Variants in RARB observed in about 807,000 individuals in gnomAD.
The protein encoded by RARB is HBV-activated protein.
Under a neutral mutation model 51.9 loss-of-function variants are expected in RARB, and 17 were observed. The ratio of observed to expected loss-of-function variants is 0.33; its 90% CI spans 0.22 to 0.49. The LOEUF is 0.49. Ranked by LOEUF, RARB falls within the 20% of genes least tolerant of loss-of-function variation. RARB has a pLI of 0.99. For synonymous variants in RARB, 215 were observed against 195.4 expected (o/e 1.10, Z -0.84); for missense variants, 369 against 550.8 (o/e 0.67, Z 3.30).
chr3:25,081,193 G>T (rs999850045), intron 3 of RARB, among the ~76,000 whole-genome samples: 2 of 152,016 alleles, frequency 1.3e-5, no homozygotes, highest in Admixed American at 6.5e-5. Flanking sequence ...ATCCTTCTGT[G>T]AGTTATTTAG....
At chr3:25,062,878 G>A (rs1457906868) in intron 3 of RARB, among the ~76,000 whole-genome samples, 2 of 151,884 alleles carry the variant, frequency 1.3e-5, no homozygotes, top group African/African-American at 2.4e-5. Flanking sequence ...AAATACATGG[G>A]AAAATTCAAT....
At chr3:24,993,848 A>G (rs1288179540) in intron 2 of RARB, among the ~76,000 whole-genome samples, 2 of 152,104 alleles carry the variant, frequency 1.3e-5, no homozygotes, top group African/African-American at 2.4e-5. Flanking sequence ...CATTCTCTTT[A>G]TGGCTGAATA....
At chr3:25,413,339 A>G (rs1707616985) in intron 5 of RARB, among the ~76,000 whole-genome samples, 1 of 152,150 alleles carries the variant, frequency 6.6e-6, no homozygotes, top group South Asian at 2.1e-4. Context: ...AGAGTCTTCT[A>G]TTGTGTGAAT....
chr3:25,494,257 A>G (rs948923076), intron 2 of RARB, among the ~76,000 whole-genome samples: 1 of 151,432 alleles, frequency 6.6e-6, no homozygotes, highest in Admixed American at 6.6e-5. Flanking sequence ...TCTTACGCAC[A>G]CACACACACA....
At chr3:25,298,767 G>A (rs1334187191) in intron 5 of RARB, among the ~76,000 whole-genome samples, 1 of 152,114 alleles carries the variant, frequency 6.6e-6, no homozygotes, top group Non-Finnish European at 1.5e-5. Flanking sequence ...CATTCTAAAG[G>A]GATTTCTAAT....
In RARB at chr3:25,330,686, G is replaced by A. The variant is rs1374713798; in HGVS notation, c.179-130507G>A. Among the ~76,000 whole-genome samples the A allele has an allele frequency of 5.3e-5, 8 of 152,176 alleles. No homozygotes were observed. In the East Asian group the frequency reaches 9.6e-4, roughly 18 times the overall value. ...CAATACTAACCTTAAATGTAAATGG[G>A]TTAAATGCTCCAATTAAAAGACACA... is the stretch of plus-strand genomic sequence containing the variant. On this transcript the variant is annotated intron_variant, in intron 5 of 11. Transcript: ENST00000383772.
intron 2 of RARB, among the ~76,000 whole-genome samples, chr3:25,462,134 C>G (rs1462520507): frequency 1.3e-5 from 2 of 152,152 alleles, no homozygotes; most frequent in Non-Finnish European, 2.9e-5. Context: ...TAGGGACTTG[C>G]TACTGTATGT....
intron 5 of RARB, among the ~76,000 whole-genome samples, chr3:25,356,699 G>A (rs1459600899): frequency 2.6e-5 from 4 of 151,982 alleles, no homozygotes; most frequent in African/African-American, 7.2e-5. Flanking sequence ...GAAGTATGAT[G>A]TTTCCCTCCC....
chr3:24,938,861 T>C (rs115954774), intron 2 of RARB, among the ~76,000 whole-genome samples: 6,201 of 152,326 alleles, frequency 0.041, 249 homozygotes, highest in East Asian at 0.18. Flanking sequence ...GCATAATGTT[T>C]TCAAGGCTCA....
intron 5 of RARB, among the ~76,000 whole-genome samples, chr3:25,419,363 A>G (rs1182036389): frequency 1.3e-5 from 2 of 152,128 alleles, no homozygotes; most frequent in African/African-American, 2.4e-5. Flanking sequence ...TCCTATCACT[A>G]CCAAGAGTGA....
intron 2 of RARB, among the ~76,000 whole-genome samples, chr3:24,928,546 CTTAA>C (rs1457164099): frequency 6.6e-6 from 1 of 151,906 alleles, no homozygotes; most frequent in Non-Finnish European, 1.5e-5. Context: ...GTTCTGTAAT[CTTAA>C]TTATTTTTAA....
At chr3:24,986,166 A>G (rs1237899454) in intron 2 of RARB, among the ~76,000 whole-genome samples, 4 of 152,228 alleles carry the variant, frequency 2.6e-5, no homozygotes, top group Admixed American at 6.5e-5. Flanking sequence ...GGAAATAGGT[A>G]TTGAATGTCT....
intron 3 of RARB, among the ~76,000 whole-genome samples, chr3:25,070,714 G>A (rs1486949021): frequency 6.6e-6 from 1 of 152,212 alleles, no homozygotes; most frequent in East Asian, 1.9e-4. Flanking sequence ...TATGTGGAAA[G>A]TTCAAGGTAA....
intron 2 of RARB, among the ~76,000 whole-genome samples, chr3:24,933,555 G>A (rs979700739): frequency 6.6e-6 from 1 of 152,082 alleles, no homozygotes; most frequent in African/African-American, 2.4e-5. Context: ...AGGAGACGCA[G>A]TAAGGGCTTA....
chr3:25,276,895 T>C (rs756496140), intron 5 of RARB, among the ~76,000 whole-genome samples: 1 of 152,180 alleles, frequency 6.6e-6, no homozygotes, highest in Non-Finnish European at 1.5e-5. Context: ...TAACAGCTCA[T>C]AAAATTTAAA....
intron 2 of RARB, among the ~76,000 whole-genome samples, chr3:25,045,992 T>C (rs908995682): frequency 3.3e-5 from 5 of 152,244 alleles, no homozygotes; most frequent in African/African-American, 1.2e-4. Flanking sequence ...GATAAATATG[T>C]TCCTTTTTAT....
chr3:25,283,657 G>C (rs138033751), intron 5 of RARB, among the ~76,000 whole-genome samples: 310 of 152,340 alleles, frequency 2.0e-3, no homozygotes, highest in African/African-American at 7.1e-3. Context: ...AAGAAACAGA[G>C]AAATTTTAAG....
intron 2 of RARB, among the ~76,000 whole-genome samples, chr3:24,875,134 G>A (rs925391615): frequency 1.3e-5 from 2 of 151,970 alleles, no homozygotes; most frequent in African/African-American, 4.8e-5. Flanking sequence ...TTTAAAAAAA[G>A]ATTTACATAC....
In RARB at chr3:25,435,756, AAAC is replaced by A. The variant is rs538267131; in HGVS notation, c.157+6874_157+6876del. ...AGTCCTTTTTATATTTACATCAGAT[AAAC>A]AACAAATAATTGATGAAAAACAAGT... On this transcript the variant is annotated intron_variant, in intron 1 of 7. Coordinates refer to ENST00000330688, the MANE Select transcript of RARB (RefSeq NM_000965.5). Among the ~76,000 whole-genome samples the A allele has an allele frequency of 3.0e-4, 46 of 152,344 alleles. 1 individual carries two copies. In the South Asian group the frequency reaches 7.2e-3, roughly 24 times the overall value.
Sources: allele counts gnomAD v4.1 joint callset (sites outside exome capture counted in the v4.1 genomes callset), GRCh38; gene constraint gnomAD v4.1.1; transcripts MANE v1.5; gene names NCBI Gene and HGNC (gene_info 2026-07-23, HGNC 2026-07-21).